PKN3: variants seen among roughly 807,000 people sequenced by gnomAD.
PKN3 encodes protein kinase N3.
PKN3 carries 91 observed loss-of-function variants against 113.1 expected under a neutral mutation model. The observed-to-expected ratio is 0.80, with a 90% CI of 0.68 to 0.96. The LOEUF (loss-of-function observed/expected upper bound fraction) is 0.96. PKN3 is among the 40% of genes least tolerant of loss of function. The pLI is 0.00. For missense variants in PKN3, 1,052 were observed against 1,202.2 expected, an observed-to-expected ratio of 0.88 and a Z score of 1.85; for synonymous variants, 467 against 499.0, an observed-to-expected ratio of 0.94 and a Z score of 0.85.
Position 128,715,939 on chromosome 9 carries a change from G to A in PKN3, c.1808+479G>A. Among the ~76,000 whole-genome samples the A allele has an allele frequency of 6.6e-6, 1 of 151,480 alleles. No homozygotes were observed. Among genetic ancestry groups the A allele is most frequent in the East Asian group, 1.9e-4 (1 of 5,142 alleles). ...GATTGCTTAAGCCCAGGAGGTAGAGGTTATAGTTAGCAGAGATCTCCAGCC... is the reference window on the plus strand; with the variant it reads ...GATTGCTTAAGCCCAGGAGGTAGAGATTATAGTTAGCAGAGATCTCCAGCC... On this transcript the variant is annotated intron_variant, in intron 15 of 21. Coordinates refer to ENST00000291906, the MANE Select transcript of PKN3 (RefSeq NM_013355.5). This position sits in a 1 kb window ranked among gnomAD's most constrained non-coding sequence, Gnocchi z 4.1.
chr9:128,717,111 AG>A (rs1383705847), intron 16 of PKN3, among the ~76,000 whole-genome samples, 188 bp downstream of exon 16: 1 of 17,216 alleles, frequency 5.8e-5, no homozygotes, highest in African/African-American at 1.7e-4. Context: ...GCTGTGCATT[AG>A]GTTTCTTTTT....
chr9:128,718,429 T>C, intron 17 of PKN3, 42 bp downstream of exon 17: 3 of 442,632 alleles, frequency 6.8e-6, no homozygotes, highest in Non-Finnish European at 1.3e-5. Context: ...GGGGTGGGGG[T>C]GGGGGTGGAG....
chr9:128,709,534 C>T (rs1862118879), intron 6 of PKN3, among the ~76,000 whole-genome samples: 1 of 151,614 alleles, frequency 6.6e-6, no homozygotes, highest in African/African-American at 2.4e-5. Flanking sequence ...GGTGGATCAC[C>T]TGAGGTCGGG....
At position 128,713,178 on chromosome 9, in the gene PKN3, G is replaced by A. The variant is rs370067044; in HGVS notation, c.962G>A (p.Arg321His). Residue 321 changes from arginine to histidine, a missense_variant, in exon 7 of 22, where the codon CGT becomes CAT. By Grantham distance (29) the Arg-to-His change is conservative (BLOSUM62 0). Around this residue, in one of 2 missense-constraint regions of PKN3, gnomAD observed 719 missense variants for 759.4 expected, o/e 0.95. Coordinates refer to ENST00000291906, the MANE Select transcript of PKN3 (RefSeq NM_013355.5). ...CTTCGGACCAAGGCCAAGCACCAGC[G>A]TGGCCGAGGCGAGCTTGCCAGTGAG... is the stretch of plus-strand genomic sequence containing the variant. ...GWLRTKAKHQ[R>H]GRGELASEVL... is the part of the protein sequence containing the mutation. 14 of 1,607,832 alleles carry A rather than the reference G, an allele frequency of 8.7e-6. No individual in the cohort carries two copies. Among genetic ancestry groups the A allele is most frequent in the East Asian group, 2.2e-5 (1 of 44,714 alleles).
chr9:128,705,455 C>G lies in PKN3; in HGVS notation c.177C>G (p.Ser59=). 6.4e-7 allele frequency: 1 copy of G among 1,574,450 alleles called. No individual in the cohort carries two copies. ...HLGHVQQLLR[S]SNRRLEQLHG... ...GCCATGTGCAGCAGCTGCTGCGGTC[C>G]TCCAACCGCCGCCTGGAGCAGCTGC... The change falls in exon 2 of 22, where the codon TCC becomes TCG. Residue 59 remains serine, a synonymous_variant. Transcript: ENST00000291906.
rs775079570 is a variant in PKN3, at chr9:128,720,382, C to A, written c.2458-12C>A. On this transcript the variant is annotated splice_polypyrimidine_tract_variant and intron_variant, in intron 21 of 21. Coordinates refer to ENST00000291906, the MANE Select transcript of PKN3 (RefSeq NM_013355.5). This position sits in a 1 kb window ranked among gnomAD's most constrained non-coding sequence, Gnocchi z 5.5. Reference sequence around the variant, plus strand: ...GTTCCTGCCGTCTCAGGCGCCTCTCCTTTGCCCTCAGACCACCAACTGGCA... The same window carrying A: ...GTTCCTGCCGTCTCAGGCGCCTCTCATTTGCCCTCAGACCACCAACTGGCA... 6.2e-7 allele frequency: 1 copy of A among 1,612,964 alleles called. No homozygotes were observed. Among genetic ancestry groups the A allele is most frequent in the East Asian group, 2.2e-5 (1 of 44,864 alleles).
At chr9:128,707,100 TG>T in intron 5 of PKN3, 77 bp downstream of exon 5, 1 of 1,600,234 alleles carries the variant, frequency 6.2e-7, no homozygotes, top group Non-Finnish European at 8.6e-7. Context: ...GAAGGGAGGG[TG>T]GCCGTGTAAA....
At chr9:128,712,937 G>C (rs746364265) in intron 6 of PKN3, 115 bp from the exon 7 acceptor site, 8 of 1,136,068 alleles carry the variant, frequency 7.0e-6, no homozygotes, top group Non-Finnish European at 1.0e-5. Context: ...AGGTGGGTAC[G>C]GTCTGGGTTC....
rs761749968 is a variant in PKN3 at position 128,719,905 on chromosome 9, C to T, written c.2269-5C>T. On this transcript the variant is annotated splice_polypyrimidine_tract_variant and splice_region_variant and intron_variant, in intron 19 of 21. Transcript: ENST00000291906. ...GTGCATCCTGCTGAGCCCCCATCTC[C>T]ACAGTGCCCGTTCCCAGGGGACACA... is the stretch of plus-strand genomic sequence containing the variant. 1 of 1,613,746 alleles carries T rather than the reference C, an allele frequency of 6.2e-7. No individual in the cohort carries two copies. The highest frequency in any genetic ancestry group is 2.2e-5 in the East Asian group (1 of 44,876).
chr9:128,708,766 C>T (rs756971130), intron 6 of PKN3, among the ~76,000 whole-genome samples: 5 of 150,330 alleles, frequency 3.3e-5, no homozygotes, highest in Admixed American at 6.6e-5. Flanking sequence ...TTGCTTGAAC[C>T]TGGGAGGCAG....
In PKN3 at chr9:128,714,282, C is replaced by G. The variant is rs377599116; in HGVS notation, c.1398C>G (p.Ser466Arg). 1 of 1,613,696 alleles carries G rather than the reference C, an allele frequency of 6.2e-7. No individual in the cohort carries two copies. Among genetic ancestry groups the G allele is most frequent in the South Asian group, 1.1e-5 (1 of 91,080 alleles). Residue 466 changes from serine to arginine, a missense_variant, in exon 11 of 22, where the codon AGC becomes AGG. Ser to Arg is a moderately radical substitution (Grantham distance 110). Around this residue, in one of 2 missense-constraint regions of PKN3, gnomAD observed 719 missense variants for 759.4 expected, o/e 0.95. Transcript: ENST00000291906. The stretch of plus-strand genomic sequence containing the variant: ...TCATGAACCTGCTGCCCCCCTGCAG[C>G]TCCCCGAGCACAATCAGCCCCCCTA... Reference protein sequence around the residue: ...RLVMNLLPPCSSPSTISPPKG... With the variant: ...RLVMNLLPPCRSPSTISPPKG...
Position 128,714,267 on chromosome 9 carries a change from G to C in PKN3, c.1383G>C (p.Leu461=). Residue 461 remains leucine (L), a synonymous_variant, in exon 11 of 22, where the codon CTG becomes CTC. Transcript: ENST00000291906. The stretch of plus-strand genomic sequence containing the variant: ...CCTGGGGGCGCCTCGTCATGAACCT[G>C]CTGCCCCCCTGCAGCTCCCCGAGCA... The part of the protein sequence containing the change: ...MAAWGRLVMN[L]LPPCSSPSTI... The C allele has an allele frequency of 1.9e-6, 3 of 1,613,812 alleles. No homozygotes were observed. The South Asian group carries it at 3.3e-5, about 18-fold the overall frequency.
Position 128,720,645 on chromosome 9 carries a change from CTGTT to C in PKN3, c.*40_*43del. The C allele has an allele frequency of 6.5e-7, 1 of 1,546,906 alleles. No homozygotes were observed. The highest frequency in any genetic ancestry group is 1.1e-5 in the South Asian group (1 of 88,158). On this transcript the variant is annotated 3_prime_UTR_variant, in exon 22 of 22. Transcript: ENST00000291906. The surrounding 1 kb of genome is among the most constrained non-coding windows in gnomAD (Gnocchi z 5.5). ...CACCTCTGTCCCCTTCCCCCACAGA[CTGTT>C]AGAGCCTCTGCTCGTTCACCCGTGC...
intron 1 of PKN3, chr9:128,703,916 C>T: frequency 3.0e-6 from 3 of 985,474 alleles, no homozygotes; most frequent in South Asian, 4.7e-5. Flanking sequence ...CTCAGGACCC[C>T]GGTGGCCGGG....
rs1349459056 is a variant in PKN3, at chr9:128,702,940, G to A, written c.24+1G>A. 1 of 1,453,340 alleles carries A rather than the reference G, an allele frequency of 6.9e-7. No individual in the cohort carries two copies. Among genetic ancestry groups the A allele is most frequent in the Non-Finnish European group, 9.0e-7 (1 of 1,110,308 alleles). 90.0% of individuals were successfully genotyped at this position (1,453,340 alleles called of 1,614,324 possible). On this transcript the variant is annotated splice_donor_variant, in intron 1 of 21. Coordinates refer to ENST00000291906, the MANE Select transcript of PKN3 (RefSeq NM_013355.5). LOFTEE classifies it high-confidence loss of function. ...CATGGAGGAGGGGGCGCCGCGGCAG[G>A]TGAACGGCGTGGGAGGGGCGCGCGG...
chr9:128,711,207 T>C (rs540275394), intron 6 of PKN3, among the ~76,000 whole-genome samples: 2 of 152,194 alleles, frequency 1.3e-5, no homozygotes, highest in South Asian at 4.1e-4. Context: ...GATTTCTCCA[T>C]GTTGGTCAGG....
chr9:128,718,893 TTTTGGTTTG>T (rs1862426915), intron 18 of PKN3, among the ~76,000 whole-genome samples: 1 of 28,740 alleles, frequency 3.5e-5, no homozygotes, highest in African/African-American at 4.2e-5. Flanking sequence ...TCTGTTTTTT[TTTTGGTTTG>T]TTTTTTTTTT....
Position 128,713,041 on chromosome 9 carries a change from T to C in PKN3, c.836-11T>C, listed in dbSNP as rs142888213. On this transcript the variant is annotated splice_polypyrimidine_tract_variant and intron_variant, in intron 6 of 21. Transcript: ENST00000291906. ...GCATCTGACAACGCCCCCCGCTCACTCTCCCCACAGGGACACTGCAGGTCC... is the reference window on the plus strand; with the variant it reads ...GCATCTGACAACGCCCCCCGCTCACCCTCCCCACAGGGACACTGCAGGTCC... The C allele has an allele frequency of 2.7e-3, 4,245 of 1,584,412 alleles. 34 individuals are homozygous for C. The highest frequency in any genetic ancestry group is 0.023 in the African/African-American group (1,675 of 74,164).
intron 16 of PKN3, 129 bp from the exon 17 acceptor site, chr9:128,718,196 C>G: frequency 1.3e-6 from 1 of 749,112 alleles, no homozygotes; most frequent in South Asian, 1.5e-5. Context: ...ATGCTTGTCC[C>G]AGTCTCACTC....
Sources: gnomAD v4.1 joint callset for allele counts (sites outside exome capture counted in the v4.1 genomes callset) on GRCh38, gnomAD v4.1.1 for gene constraint, gnomAD v4.1.1 regional missense constraint, Gnocchi (gnomAD v3.1) non-coding constraint, MANE v1.5 for transcripts, NCBI Gene and HGNC (gene_info 2026-07-23, HGNC 2026-07-21) for gene names.